Variants in GPC5 observed in about 807,000 individuals in gnomAD.
GPC5 encodes glypican-5.
In GPC5, 47 loss-of-function variants were observed where a neutral mutation model predicts 53.9. The observed-to-expected ratio is 0.87, with a 90% CI of 0.69 to 1.11. The LOEUF is 1.11. GPC5 is among the 50% of genes most tolerant of loss of function. The pLI is 0.00. For synonymous variants in GPC5, 286 were observed against 263.3 expected (o/e 1.09, Z -0.84); for missense variants, 748 against 713.1 (o/e 1.05, Z -0.56).
intron 2 of GPC5, among the ~76,000 whole-genome samples, chr13:91,451,469 A>G (rs995428061): frequency 1.3e-5 from 2 of 152,106 alleles, no homozygotes; most frequent in Non-Finnish European, 2.9e-5. Flanking sequence ...TTAAAAATGC[A>G]TGAGGGAGAG....
chr13:91,904,030 A>T (rs2039526060), intron 5 of GPC5, among the ~76,000 whole-genome samples: 1 of 151,716 alleles, frequency 6.6e-6, no homozygotes, highest in Non-Finnish European at 1.5e-5. Context: ...ACAGTCTGCT[A>T]GTTTCTTCTC....
chr13:92,070,121 G>A (rs568665497), intron 6 of GPC5, among the ~76,000 whole-genome samples: 11 of 152,284 alleles, frequency 7.2e-5, no homozygotes, highest in Admixed American at 5.9e-4. Context: ...GCTGGAGAGG[G>A]CCACAAATAA....
intron 7 of GPC5, among the ~76,000 whole-genome samples, chr13:92,552,737 A>G (rs1275789990): frequency 1.3e-5 from 2 of 151,954 alleles, no homozygotes; most frequent in African/African-American, 4.8e-5. Flanking sequence ...GTCTAAGTCC[A>G]AGAAATGCTT....
At chr13:92,776,306 G>GCT (rs145698162) in intron 7 of GPC5, among the ~76,000 whole-genome samples, 1 of 151,714 alleles carries the variant, frequency 6.6e-6, no homozygotes, top group Admixed American at 6.6e-5. Context: ...CCCACAGCGA[G>GCT]CTCTCTCTCT....
At chr13:92,296,465 A>G (rs1338549883) in intron 7 of GPC5, among the ~76,000 whole-genome samples, 2 of 152,104 alleles carry the variant, frequency 1.3e-5, no homozygotes, top group Non-Finnish European at 2.9e-5. Context: ...TCCCAGGTCA[A>G]TGGAGTTATG....
chr13:91,412,942 G>A (rs1030324604), intron 1 of GPC5, among the ~76,000 whole-genome samples: 1 of 152,166 alleles, frequency 6.6e-6, no homozygotes, highest in Admixed American at 6.5e-5. Context: ...ATAAATTATG[G>A]ATAATTATGT....
chr13:92,312,335 GA>G (rs919430034), intron 7 of GPC5, among the ~76,000 whole-genome samples: 17 of 151,304 alleles, frequency 1.1e-4, no homozygotes, highest in East Asian at 3.9e-4. Context: ...TGAGTGGGGG[GA>G]AAAAAAACAA....
intron 2 of GPC5, among the ~76,000 whole-genome samples, chr13:91,556,578 C>T (rs1446518164): frequency 6.6e-6 from 1 of 151,022 alleles, no homozygotes; most frequent in Non-Finnish European, 1.5e-5. Context: ...TATACACACA[C>T]ACAGACACCC....
chr13:92,103,324 T>C (rs1300695798), intron 6 of GPC5, among the ~76,000 whole-genome samples: 1 of 152,170 alleles, frequency 6.6e-6, no homozygotes, highest in Middle Eastern at 3.2e-3. Context: ...AATTATGTTA[T>C]TTTAGCATAA....
At chr13:92,218,904 G>T (rs1028807964) in intron 7 of GPC5, among the ~76,000 whole-genome samples, 1 of 152,066 alleles carries the variant, frequency 6.6e-6, no homozygotes, top group Non-Finnish European at 1.5e-5. Flanking sequence ...CTATCTCTTT[G>T]GGGGCAGAAC....
At chr13:92,642,908 T>C (rs893653551) in intron 7 of GPC5, among the ~76,000 whole-genome samples, 1 of 152,210 alleles carries the variant, frequency 6.6e-6, no homozygotes, top group Non-Finnish European at 1.5e-5. Flanking sequence ...GGAGGTTGGC[T>C]AACGCACAAC....
intron 7 of GPC5, among the ~76,000 whole-genome samples, chr13:92,693,076 A>T (rs1887460530): frequency 6.6e-6 from 1 of 152,042 alleles, no homozygotes; most frequent in African/African-American, 2.4e-5. Flanking sequence ...GTCATGTAAG[A>T]CATGGGCCTT....
intron 7 of GPC5, among the ~76,000 whole-genome samples, chr13:92,249,591 T>C (rs1470148794): frequency 6.6e-6 from 1 of 152,012 alleles, no homozygotes; most frequent in Non-Finnish European, 1.5e-5. Flanking sequence ...GGATTAGCAT[T>C]GAGGGGATGG....
At chr13:91,796,344 A>G (rs1373223247) in intron 5 of GPC5, among the ~76,000 whole-genome samples, 1 of 152,202 alleles carries the variant, frequency 6.6e-6, no homozygotes, top group East Asian at 1.9e-4. Context: ...GTTGGAAGTC[A>G]AAATGGCGGG....
chr13:91,433,218 A>G (rs150572429), intron 1 of GPC5, among the ~76,000 whole-genome samples: 2 of 145,396 alleles, frequency 1.4e-5, no homozygotes, highest in African/African-American at 5.1e-5. Context: ...TTTTAATTAT[A>G]CTTTAAGTTT....
intron 7 of GPC5, among the ~76,000 whole-genome samples, chr13:92,518,399 G>A (rs1384045773): frequency 6.6e-6 from 1 of 152,148 alleles, no homozygotes; most frequent in Non-Finnish European, 1.5e-5. Flanking sequence ...TACCCACAAA[G>A]GGAACCCCAT....
intron 2 of GPC5, among the ~76,000 whole-genome samples, chr13:91,526,133 G>A (rs550610105): frequency 2.7e-4 from 41 of 152,262 alleles, no homozygotes; most frequent in African/African-American, 8.9e-4. Flanking sequence ...TTCCAAATAC[G>A]ATCTGAATTT....
At chr13:92,597,498 T>C (rs938185266) in intron 7 of GPC5, among the ~76,000 whole-genome samples, 3 of 152,050 alleles carry the variant, frequency 2.0e-5, no homozygotes, top group African/African-American at 7.2e-5. Flanking sequence ...CAAAAATAAA[T>C]CAATTACATT....
intron 7 of GPC5, among the ~76,000 whole-genome samples, chr13:92,690,922 A>G (rs9523768): frequency 0.9 from 45,587 of 50,420 alleles, 22,166 homozygotes; most frequent in Non-Finnish European, 1. Flanking sequence ...CAGTCTGCCC[A>G]TTCTCAGATC....
Sources: allele counts gnomAD v4.1 joint callset (sites outside exome capture counted in the v4.1 genomes callset), GRCh38; gene constraint gnomAD v4.1.1; transcripts MANE v1.5; gene names NCBI Gene and HGNC (gene_info 2026-07-23, HGNC 2026-07-21).